Variants in PDE1C observed in about 807,000 individuals in gnomAD.
PDE1C encodes the protein phosphodiesterase 1C, also known as dual specificity calcium/calmodulin-dependent 3',5'-cyclic nucleotide phosphodiesterase 1C.
In PDE1C, 62 loss-of-function variants were observed where a neutral mutation model predicts 93.1. The ratio of observed to expected loss-of-function variants is 0.67; its 90% CI spans 0.54 to 0.82. The LOEUF (loss-of-function observed/expected upper bound fraction) is 0.82, where lower values mean the gene tolerates loss of function less well. Among genes scored for constraint, PDE1C ranks in the 40% least tolerant of loss-of-function variants. The probability of loss-of-function intolerance (pLI) is 0.00; values close to 1 mark genes in which losing one functional copy is unlikely to be tolerated. For missense variants in PDE1C, 742 were observed against 884.6 expected (o/e 0.84, Z 2.04); for synonymous variants, 325 against 310.1 (o/e 1.05, Z -0.50).
At chr7:31,929,410 C>T (rs1584025891) in intron 2 of PDE1C, among the ~76,000 whole-genome samples, 1 of 152,148 alleles carries the variant, frequency 6.6e-6, no homozygotes, top group African/African-American at 2.4e-5. Flanking sequence ...ATATTCAGGA[C>T]TTGAACTCAG....
In PDE1C at chr7:32,129,086, T is replaced by C. The variant is rs577972416; in HGVS notation, c.308+40699A>G. ...ACAATTAGTCATGTGAATTATTTTC[T>C]ACAAAAATAGACCCTTTTTCCTCTT... On this transcript the variant is annotated intron_variant, in intron 3 of 18. Transcript: ENST00000396193. Among the ~76,000 whole-genome samples, 351 of 151,186 alleles carry C rather than the reference T, an allele frequency of 2.3e-3. 2 individuals carry two copies. Among genetic ancestry groups the C allele is most frequent in the African/African-American group, 8.1e-3 (336 of 41,344 alleles).
intron 2 of PDE1C, among the ~76,000 whole-genome samples, chr7:32,038,432 G>T (rs550828935): frequency 9.2e-5 from 14 of 152,048 alleles, no homozygotes; most frequent in Non-Finnish European, 1.6e-4. Context: ...GGGAGGGCAG[G>T]CATTATATTA....
intron 3 of PDE1C, among the ~76,000 whole-genome samples, chr7:32,157,689 G>A (rs749366349): frequency 6.6e-6 from 1 of 152,168 alleles, no homozygotes; most frequent in African/African-American, 2.4e-5. Context: ...TTATTCTTAA[G>A]AGATACAAGC....
intron 1 of PDE1C, among the ~76,000 whole-genome samples, chr7:32,273,238 G>T (rs1221456423): frequency 1.3e-5 from 2 of 152,238 alleles, no homozygotes; most frequent in South Asian, 4.1e-4. Context: ...TGAGAGGGAA[G>T]ACAGTAGTGT....
intron 2 of PDE1C, among the ~76,000 whole-genome samples, chr7:31,881,956 C>A (rs985504281): frequency 6.6e-6 from 1 of 152,188 alleles, no homozygotes; most frequent in Non-Finnish European, 1.5e-5. Context: ...ATCTCCACTT[C>A]CCGTTGGTAT....
chr7:32,330,851 C>T (rs1199075160), intron 1 of PDE1C, among the ~76,000 whole-genome samples: 4 of 152,198 alleles, frequency 2.6e-5, no homozygotes, highest in Non-Finnish European at 5.9e-5. Flanking sequence ...AGCAGGGAAT[C>T]GCATCTGCTA....
At chr7:32,008,671 G>A (rs1465588126) in intron 2 of PDE1C, among the ~76,000 whole-genome samples, 2 of 152,104 alleles carry the variant, frequency 1.3e-5, no homozygotes, top group Non-Finnish European at 2.9e-5. Flanking sequence ...AAGAACATCT[G>A]GGGAACCTCA....
intron 2 of PDE1C, among the ~76,000 whole-genome samples, chr7:31,912,352 T>G (rs1269522591): frequency 6.6e-6 from 1 of 152,156 alleles, no homozygotes; most frequent in East Asian, 1.9e-4. Context: ...AGATTGACTT[T>G]GGGAGAGGAA....
the PDE1C span, among the ~76,000 whole-genome samples, chr7:31,709,318 T>C: frequency 9.2e-5 from 14 of 152,368 alleles, no homozygotes; most frequent in African/African-American, 3.1e-4. Flanking sequence ...AGTCTGGTTC[T>C]TTATCTTGAA....
At chr7:32,218,508 G>A (rs1562590746) in intron 1 of PDE1C, among the ~76,000 whole-genome samples, 1 of 152,192 alleles carries the variant, frequency 6.6e-6, no homozygotes, top group African/African-American at 2.4e-5. Context: ...CACAGACAGA[G>A]GGAAAATCCA....
intron 3 of PDE1C, among the ~76,000 whole-genome samples, chr7:32,089,620 G>C (rs1171301935): frequency 1.3e-5 from 2 of 152,178 alleles, no homozygotes; most frequent in Non-Finnish European, 2.9e-5. Flanking sequence ...GATAGGAACT[G>C]CTTCAATCAT....
intron 3 of PDE1C, among the ~76,000 whole-genome samples, chr7:32,155,388 T>G (rs1350832899): frequency 6.6e-6 from 1 of 152,208 alleles, no homozygotes; most frequent in Non-Finnish European, 1.5e-5. Flanking sequence ...AGAAAAATGC[T>G]TAACACACAA....
chr7:32,029,432 C>T (rs756973205), intron 2 of PDE1C, among the ~76,000 whole-genome samples: 1 of 152,064 alleles, frequency 6.6e-6, no homozygotes, highest in Non-Finnish European at 1.5e-5. Context: ...AGCCAAGTTA[C>T]GGAATCAACC....
chr7:31,814,038 GTA>G (rs1787894883), intron 15 of PDE1C, among the ~76,000 whole-genome samples: 2 of 128,304 alleles, frequency 1.6e-5, no homozygotes, highest in South Asian at 2.6e-4. Context: ...GTGTGTGTGT[GTA>G]TACATATATA....
chr7:32,123,151 G>T (rs1427061929), intron 3 of PDE1C, among the ~76,000 whole-genome samples: 1 of 152,004 alleles, frequency 6.6e-6, no homozygotes, highest in Non-Finnish European at 1.5e-5. Flanking sequence ...ACCCTCCCAA[G>T]ACTAAACCAG....
the PDE1C span, among the ~76,000 whole-genome samples, chr7:31,623,230 G>C: frequency 6.6e-6 from 1 of 152,070 alleles, no homozygotes. Flanking sequence ...TAGAAAAAGA[G>C]GGAATCCTCC....
At chr7:32,279,485 T>C (rs894764429) in intron 1 of PDE1C, among the ~76,000 whole-genome samples, 1 of 152,188 alleles carries the variant, frequency 6.6e-6, no homozygotes, top group Admixed American at 6.6e-5. Context: ...CTAACCACAA[T>C]GAAAGGATCA....
intron 2 of PDE1C, among the ~76,000 whole-genome samples, chr7:31,987,775 A>G (rs556362261): frequency 2.6e-5 from 4 of 152,270 alleles, no homozygotes; most frequent in Admixed American, 1.3e-4. Flanking sequence ...TCTGAATGAT[A>G]TCCAATACAG....
chr7:31,884,787 T>C (rs1172267841), intron 2 of PDE1C, among the ~76,000 whole-genome samples: 1 of 152,218 alleles, frequency 6.6e-6, no homozygotes, highest in Non-Finnish European at 1.5e-5. Context: ...AAATTAGCTC[T>C]TTTATCATTG....
Sources: allele counts gnomAD v4.1 joint callset (sites outside exome capture counted in the v4.1 genomes callset), GRCh38; gene constraint gnomAD v4.1.1; transcripts MANE v1.5; gene names NCBI Gene and HGNC (gene_info 2026-07-23, HGNC 2026-07-21).